The following DRC1 variants were observed in gnomAD, a reference collection of about 807,000 sequenced individuals.
DRC1 encodes the protein dynein regulatory complex protein 1.
In DRC1, 74 loss-of-function variants were observed where a neutral mutation model predicts 98.7. The observed-to-expected ratio is 0.75, with a 90% CI of 0.62 to 0.91. The LOEUF is 0.91. DRC1 is among the 40% of genes least tolerant of loss of function. DRC1 has a pLI of 0.00. For missense variants in DRC1, 875 were observed against 886.0 expected (o/e 0.99, Z 0.16); for synonymous variants, 336 against 334.1 (o/e 1.01, Z -0.06).
chr2:26,418,770 TGTATAATTTATATATTTATAC>T (rs1678940817), intron 2 of DRC1, among the ~76,000 whole-genome samples: 2 of 127,828 alleles, frequency 1.6e-5, no homozygotes, highest in African/African-American at 6.1e-5. Flanking sequence ...TTATATATTA[TGTATAATTTATATATTTATAC>T]ATATATACAT....
chr2:26,409,625 T>C (rs907934446), intron 1 of DRC1, among the ~76,000 whole-genome samples: 3 of 152,200 alleles, frequency 2.0e-5, no homozygotes, highest in African/African-American at 2.4e-5. Flanking sequence ...TTGGAGAACA[T>C]TTTGAAAATA....
chr2:26,447,205 GA>G (rs1409817028), intron 10 of DRC1, among the ~76,000 whole-genome samples: 1 of 152,070 alleles, frequency 6.6e-6, no homozygotes, highest in African/African-American at 2.4e-5. Context: ...ATGAGGTCAG[GA>G]GTTTGAGACC....
chr2:26,426,452 C>T (rs1038524505), intron 4 of DRC1, among the ~76,000 whole-genome samples: 6 of 151,628 alleles, frequency 4.0e-5, no homozygotes, highest in Non-Finnish European at 7.4e-5. Flanking sequence ...CTGCAACCTC[C>T]GTCTCTAGGG....
At chr2:26,440,169 T>G (rs1283165383) in intron 7 of DRC1, among the ~76,000 whole-genome samples, 4 of 151,530 alleles carry the variant, frequency 2.6e-5, no homozygotes, top group African/African-American at 7.3e-5. Context: ...TGAATATGGC[T>G]ATGCATAGCT....
chr2:26,450,631 G>T lies in DRC1; in HGVS notation c.1639G>T (p.Val547Leu). ...IESEDDLYKLVNFFLKYRAHR... is the reference protein window; with the variant it reads ...IESEDDLYKLLNFFLKYRAHR... ...AAGTGAGGATGACTTGTATAAACTG[G>T]TGAACTTCTTCCTTAAATATCGAGC... The change falls in exon 13 of 17, where the codon GTG becomes TTG. Residue 547 changes from valine to leucine, a missense_variant. Transcript: ENST00000288710. 1.2e-6 allele frequency: 2 copies of T among 1,611,572 alleles called. No individual in the cohort carries two copies. Among genetic ancestry groups the T allele is most frequent in the Non-Finnish European group, 8.5e-7 (1 of 1,178,784 alleles).
intron 7 of DRC1, among the ~76,000 whole-genome samples, chr2:26,433,400 A>G (rs1476191308): frequency 1.3e-5 from 2 of 152,214 alleles, no homozygotes; most frequent in Non-Finnish European, 2.9e-5. Context: ...AAATATATTT[A>G]CCAGTCTTGA....
At chr2:26,402,265 C>A in intron 1 of DRC1, 121 bp downstream of exon 1, 1 of 1,398,776 alleles carries the variant, frequency 7.1e-7, no homozygotes, top group Non-Finnish European at 9.4e-7. Flanking sequence ...AAGTAAAACG[C>A]TGGGCCGGTG....
chr2:26,413,329 T>C (rs1435622458), intron 1 of DRC1, among the ~76,000 whole-genome samples: 2 of 152,354 alleles, frequency 1.3e-5, no homozygotes, highest in East Asian at 3.9e-4. Context: ...CATATTTATT[T>C]ATGTACTTGT....
At chr2:26,414,115 CATTATTATT>C (rs3067393) in intron 1 of DRC1, among the ~76,000 whole-genome samples, 7 of 144,480 alleles carry the variant, frequency 4.8e-5, no homozygotes, top group African/African-American at 1.5e-4. Context: ...ACAATGGAAC[CATTATTATT>C]ATTATTATTA....
intron 2 of DRC1, among the ~76,000 whole-genome samples, chr2:26,418,591 A>T (rs968604912): frequency 2.9e-5 from 3 of 102,826 alleles, no homozygotes; most frequent in African/African-American, 1.4e-4. Flanking sequence ...TAAATTATAT[A>T]TAATTTATAT....
At chr2:26,452,646 T>C (rs1664038221) in intron 13 of DRC1, among the ~76,000 whole-genome samples, 1 of 152,190 alleles carries the variant, frequency 6.6e-6, no homozygotes, top group African/African-American at 2.4e-5. Flanking sequence ...TATATGTCCA[T>C]TGTTGAGGAA....
chr2:26,421,164 A>C lies in DRC1; in HGVS notation c.244-124A>C, dbSNP rs1572360950. ...ACAGAGGCTACTCTTAAAAATCTTA[A>C]GGTAGTTGCTGCTTCCTGCTTGAAT... is the stretch of plus-strand genomic sequence containing the variant. On this transcript the variant is annotated intron_variant, in intron 2 of 16. Transcript: ENST00000288710. 4.3e-6 allele frequency: 3 copies of C among 703,730 alleles called. No individual in the cohort carries two copies. In the East Asian group the frequency reaches 8.9e-5, roughly 21 times the overall value. 43.6% of individuals were successfully genotyped at this position (703,730 alleles called of 1,614,324 possible).
Position 26,453,418 on chromosome 2 carries a change from A to G in DRC1, c.1788A>G (p.Gly596=), listed in dbSNP as rs1201944435. ...LELAEQTEME[G]EKEESLVEGE... ...TGGCAGAGCAGACGGAGATGGAGGG[A>G]GAAAAGGAAGAAAGCCTGGTGGAAG... The change falls in exon 14 of 17, where the codon GGA becomes GGG. Residue 596 remains glycine, a synonymous_variant. Coordinates refer to ENST00000288710, the MANE Select transcript of DRC1 (RefSeq NM_145038.5). The G allele has an allele frequency of 1.5e-5, 25 of 1,614,006 alleles. No homozygotes were observed. The highest frequency in any genetic ancestry group is 1.9e-5 in the Non-Finnish European group (23 of 1,180,042).
intron 1 of DRC1, among the ~76,000 whole-genome samples, chr2:26,408,534 A>G (rs1195312324): frequency 1.3e-5 from 2 of 152,152 alleles, no homozygotes. Context: ...GCACTTTGGG[A>G]GGCCAAGAGG....
intron 16 of DRC1, among the ~76,000 whole-genome samples, chr2:26,455,662 C>T (rs1664136391): frequency 1.3e-5 from 2 of 152,222 alleles, no homozygotes; most frequent in Non-Finnish European, 1.5e-5. Flanking sequence ...GTTTGCAACT[C>T]GTCCAGAGCC....
At chr2:26,403,256 A>G (rs1280570789) in intron 1 of DRC1, among the ~76,000 whole-genome samples, 1 of 152,164 alleles carries the variant, frequency 6.6e-6, no homozygotes, top group Non-Finnish European at 1.5e-5. Context: ...ATTTGTAACA[A>G]TATATGAACC....
chr2:26,455,211 T>C lies in DRC1; in HGVS notation c.2144T>C (p.Leu715Pro). ...CAGAACACAGAGCTGCAGGCGCTAC[T>C]GCAGCAGTATCTGAACTCCAAGGTG... ...EQQNTELQAL[L>P]QQYLNSKINS... The change falls in exon 16 of 17, where the codon CTG becomes CCG. Residue 715 changes from leucine (L) to proline (P), a missense_variant. By Grantham distance (98) the Leu-to-Pro change is moderately conservative. Transcript: ENST00000288710. 6.2e-7 allele frequency: 1 copy of C among 1,613,786 alleles called. No individual in the cohort carries two copies. The highest frequency in any genetic ancestry group is 8.5e-7 in the Non-Finnish European group (1 of 1,179,982).
chr2:26,447,421 A>C (rs1663884826), intron 10 of DRC1, among the ~76,000 whole-genome samples: 1 of 152,160 alleles, frequency 6.6e-6, no homozygotes, highest in African/African-American at 2.4e-5. Context: ...TCAATAAATA[A>C]ACAAATAAAT....
chr2:26,436,484 AT>A (rs199794891), intron 7 of DRC1, among the ~76,000 whole-genome samples: 11,259 of 151,320 alleles, frequency 0.074, 609 homozygotes, highest in Non-Finnish European at 0.12. Context: ...GCTAATTTAA[AT>A]TTTTTTTTGT....
Sources: gnomAD v4.1 joint callset for allele counts (sites outside exome capture counted in the v4.1 genomes callset) on GRCh38, gnomAD v4.1.1 for gene constraint, MANE v1.5 for transcripts, NCBI Gene and HGNC (gene_info 2026-07-23, HGNC 2026-07-21) for gene names.